ITGA9: variants seen among roughly 807,000 people sequenced by gnomAD.
ITGA9 encodes integrin alpha-9.
In ITGA9, 56 loss-of-function variants were observed where a neutral mutation model predicts 127.8. The ratio of observed to expected loss-of-function variants is 0.44; its 90% CI spans 0.35 to 0.55. The LOEUF (loss-of-function observed/expected upper bound fraction) is 0.55, where lower values mean the gene tolerates loss of function less well. ITGA9 is among the 20% of genes least tolerant of loss of function. The pLI is 0.00. For synonymous variants in ITGA9, 508 were observed against 514.5 expected (o/e 0.99, Z 0.17); for missense variants, 1,196 against 1,347.1 (o/e 0.89, Z 1.76).
chr3:37,556,032 C>T (rs1699427829), intron 15 of ITGA9, among the ~76,000 whole-genome samples: 2 of 152,252 alleles, frequency 1.3e-5, no homozygotes, highest in Admixed American at 6.5e-5. Context: ...GAAAAGCCCT[C>T]CTTCCTGATG....
intron 17 of ITGA9, among the ~76,000 whole-genome samples, chr3:37,656,063 G>C (rs1700474592): frequency 6.6e-6 from 1 of 152,060 alleles, no homozygotes; most frequent in Admixed American, 6.5e-5. Flanking sequence ...TCTCTGTTTT[G>C]GTACCAGTAC....
intron 24 of ITGA9, among the ~76,000 whole-genome samples, chr3:37,778,316 A>G (rs1372462058): frequency 6.6e-6 from 1 of 152,168 alleles, no homozygotes; most frequent in Admixed American, 6.5e-5. Flanking sequence ...GTATAAACAC[A>G]TGTAAAAATT....
At chr3:37,618,418 C>T (rs1344640648) in intron 15 of ITGA9, among the ~76,000 whole-genome samples, 3 of 152,230 alleles carry the variant, frequency 2.0e-5, no homozygotes, top group South Asian at 2.1e-4. Flanking sequence ...CAGGGACCCA[C>T]TTGAGGAGGC....
chr3:37,747,460 C>CT (rs1696515171), intron 22 of ITGA9, among the ~76,000 whole-genome samples: 1 of 152,116 alleles, frequency 6.6e-6, no homozygotes, highest in Non-Finnish European at 1.5e-5. Flanking sequence ...TATAGTCACC[C>CT]TATTGTGCTA....
chr3:37,672,495 C>T (rs2125657147), intron 17 of ITGA9, among the ~76,000 whole-genome samples: 1 of 152,332 alleles, frequency 6.6e-6, no homozygotes, highest in South Asian at 2.1e-4. Flanking sequence ...AATTAAACCT[C>T]TTTCCTTTAT....
chr3:37,644,160 G>T (rs1347572525), intron 16 of ITGA9, among the ~76,000 whole-genome samples: 3 of 152,314 alleles, frequency 2.0e-5, no homozygotes, highest in Non-Finnish European at 4.4e-5. Flanking sequence ...TCCCATAAAA[G>T]GCCACCTAGT....
intron 9 of ITGA9, among the ~76,000 whole-genome samples, chr3:37,514,662 T>A (rs1452757635): frequency 6.6e-6 from 1 of 152,208 alleles, no homozygotes; most frequent in Non-Finnish European, 1.5e-5. Context: ...CTCTGCCTCC[T>A]GGGTTCAAAC....
rs984123762 is a variant in ITGA9 at position 37,819,924 on chromosome 3, G to A, written c.*935G>A. 2.0e-5 allele frequency: 3 copies of A among 152,200 alleles called. No homozygotes were observed. The highest frequency in any genetic ancestry group is 2.9e-5 in the Non-Finnish European group (2 of 68,044). The allele number at this position is 152,200 out of a possible 1,614,324, so 9.4% of individuals were successfully genotyped here. A position where few individuals can be genotyped will look rare whatever the true frequency, so the allele number is the denominator to read the frequency against. On this transcript the variant is annotated 3_prime_UTR_variant, in exon 28 of 28. Coordinates refer to ENST00000264741, the MANE Select transcript of ITGA9 (RefSeq NM_002207.3). Reference sequence around the variant, plus strand: ...AAGCAAAGAATTGGGTCTGAATGCTGTGAGGGATTGCCTTTTTGTGGTAAT... The same window carrying A: ...AAGCAAAGAATTGGGTCTGAATGCTATGAGGGATTGCCTTTTTGTGGTAAT...
chr3:37,530,717 GT>G (rs71094916), intron 13 of ITGA9, among the ~76,000 whole-genome samples: 1 of 86,240 alleles, frequency 1.2e-5, no homozygotes, highest in African/African-American at 4.8e-5. Flanking sequence ...CAGCTACCAG[GT>G]TTTTTTTTTT....
intron 13 of ITGA9, among the ~76,000 whole-genome samples, chr3:37,527,797 T>G (rs1219716911): frequency 6.6e-6 from 1 of 152,070 alleles, no homozygotes; most frequent in Non-Finnish European, 1.5e-5. Context: ...TCTTCTTTTC[T>G]TTTTTTGAGA....
chr3:37,585,466 T>G (rs1239440695), intron 15 of ITGA9, among the ~76,000 whole-genome samples: 1 of 152,180 alleles, frequency 6.6e-6, no homozygotes, highest in African/African-American at 2.4e-5. Flanking sequence ...GTAAATTCAT[T>G]AGAGCGAATT....
chr3:37,771,307 T>A (rs776586368), intron 23 of ITGA9, among the ~76,000 whole-genome samples: 1 of 152,200 alleles, frequency 6.6e-6, no homozygotes, highest in Non-Finnish European at 1.5e-5. Flanking sequence ...AAGAGTGCGG[T>A]TAAAACCAAG....
At chr3:37,692,049 G>T (rs1394525033) in intron 18 of ITGA9, among the ~76,000 whole-genome samples, 4 of 152,152 alleles carry the variant, frequency 2.6e-5, no homozygotes, top group Non-Finnish European at 1.5e-5. Flanking sequence ...TCTGTTTCTT[G>T]TGGCCAGTGT....
intron 15 of ITGA9, among the ~76,000 whole-genome samples, chr3:37,576,879 A>G (rs547421293): frequency 2.6e-4 from 40 of 152,356 alleles, no homozygotes; most frequent in Admixed American, 6.5e-4. Flanking sequence ...GATTACAGGC[A>G]TGAGCCACCA....
At chr3:37,775,411 G>A (rs904451295) in intron 23 of ITGA9, among the ~76,000 whole-genome samples, 27 of 152,114 alleles carry the variant, frequency 1.8e-4, no homozygotes, top group African/African-American at 4.8e-4. Context: ...TTGGGAGGCC[G>A]AGGCGGGCGG....
intron 15 of ITGA9, among the ~76,000 whole-genome samples, chr3:37,547,280 C>T (rs915326394): frequency 3.3e-5 from 5 of 152,180 alleles, no homozygotes; most frequent in African/African-American, 1.2e-4. Flanking sequence ...CTTCTATGTT[C>T]CTGAAGGATT....
chr3:37,473,988 A>T (rs1698464398), intron 3 of ITGA9, among the ~76,000 whole-genome samples: 1 of 152,240 alleles, frequency 6.6e-6, no homozygotes, highest in South Asian at 2.1e-4. Context: ...GTGCTCTTTT[A>T]TATAAGACTT....
At chr3:37,654,905 A>C (rs1249446073) in intron 17 of ITGA9, among the ~76,000 whole-genome samples, 19 of 150,026 alleles carry the variant, frequency 1.3e-4, no homozygotes, top group Non-Finnish European at 1.5e-5. Flanking sequence ...CTGTGTTGTC[A>C]TTGTTCAACT....
intron 15 of ITGA9, among the ~76,000 whole-genome samples, chr3:37,554,263 A>C (rs948069788): frequency 6.6e-6 from 1 of 152,056 alleles, no homozygotes; most frequent in African/African-American, 2.4e-5. Context: ...ACGAGGTGTG[A>C]TTTGAGCAAA....
Sources: gnomAD v4.1 joint callset for allele counts (sites outside exome capture counted in the v4.1 genomes callset) on GRCh38, gnomAD v4.1.1 for gene constraint, MANE v1.5 for transcripts, NCBI Gene and HGNC (gene_info 2026-07-23, HGNC 2026-07-21) for gene names.